Variants in LAMA2 observed in about 807,000 individuals in gnomAD.
LAMA2 encodes the protein laminin subunit alpha-2.
In LAMA2, 269 loss-of-function variants were observed where a neutral mutation model predicts 364.8. The observed-to-expected ratio is 0.74, with a 90% CI of 0.67 to 0.82. The LOEUF (loss-of-function observed/expected upper bound fraction) is 0.82, where lower values mean the gene tolerates loss of function less well. Ranked by LOEUF, LAMA2 falls within the 40% of genes least tolerant of loss-of-function variation. LAMA2 has a pLI of 0.00. For synonymous variants in LAMA2, 1,379 were observed against 1,370.6 expected (o/e 1.01, Z -0.14); for missense variants, 3,807 against 3,873.2 (o/e 0.98, Z 0.45).
intron 28 of LAMA2, among the ~76,000 whole-genome samples, chr6:129,322,172 A>G (rs757108444): frequency 1.5e-4 from 23 of 152,222 alleles, no homozygotes; most frequent in Non-Finnish European, 2.5e-4. Context: ...CTGAAGGGCA[A>G]TATTTATTTA....
chr6:128,912,981 G>T (rs1778083017), intron 1 of LAMA2, among the ~76,000 whole-genome samples: 1 of 152,092 alleles, frequency 6.6e-6, no homozygotes. Context: ...TTAAAACAGG[G>T]TTGACAAATT....
At chr6:129,153,603 C>A (rs574156784) in intron 7 of LAMA2, among the ~76,000 whole-genome samples, 1 of 152,054 alleles carries the variant, frequency 6.6e-6, no homozygotes, top group African/African-American at 2.4e-5. Flanking sequence ...ATCTTTTACA[C>A]GTTATTTCAC....
rs181493185 is a variant in LAMA2 at position 129,507,124 on chromosome 6, A to G, written c.8704-365A>G. 1.6e-3 allele frequency among the ~76,000 whole-genome samples: 249 copies of G among 151,976 alleles called. 2 individuals carry two copies. The highest frequency in any genetic ancestry group is 6.3e-4 in the Non-Finnish European group (43 of 67,938). On this transcript the variant is annotated intron_variant, in intron 61 of 64. Transcript: ENST00000421865. ...GCTATGACAAAATGGGTATATAGTA[A>G]GGTTAATAAACTATTAATAGAAACA...
At chr6:129,473,125 A>T in intron 51 of LAMA2, 89 bp from the exon 52 acceptor site, 1 of 1,045,138 alleles carries the variant, frequency 9.6e-7, no homozygotes, top group Non-Finnish European at 1.4e-6. Flanking sequence ...TTCTCGAATT[A>T]AACCAAATTT....
chr6:129,512,876 G>T (rs1372216951), intron 63 of LAMA2, among the ~76,000 whole-genome samples: 4 of 152,158 alleles, frequency 2.6e-5, no homozygotes, highest in Non-Finnish European at 5.9e-5. Context: ...TCTAAAATTA[G>T]TCTGCCTCTT....
intron 1 of LAMA2, among the ~76,000 whole-genome samples, chr6:128,896,906 T>C (rs1386481475): frequency 6.6e-6 from 1 of 152,212 alleles, no homozygotes; most frequent in African/African-American, 2.4e-5. Context: ...CGGTGAGAAA[T>C]AGTGAAATAA....
At chr6:129,039,481 C>T (rs745981712) in intron 1 of LAMA2, among the ~76,000 whole-genome samples, 193 of 152,080 alleles carry the variant, frequency 1.3e-3, no homozygotes, top group African/African-American at 4.4e-3. Flanking sequence ...AGTTTGTCTA[C>T]GACACTACAG....
intron 8 of LAMA2, chr6:129,158,713 G>A (rs1435673167): frequency 1.2e-6 from 2 of 1,614,166 alleles, no homozygotes; most frequent in Admixed American, 1.7e-5. Flanking sequence ...GGGGGCATGT[G>A]GGTTGCAAAT....
intron 29 of LAMA2, among the ~76,000 whole-genome samples, chr6:129,341,100 GT>G (rs1776245315): frequency 6.6e-6 from 1 of 152,204 alleles, no homozygotes. Context: ...GGCAATATCT[GT>G]GGTGGAAATG....
In LAMA2 at chr6:129,486,605, T is replaced by C. The variant is rs202247792; in HGVS notation, c.7881T>C (p.His2627=). 1.2e-6 allele frequency: 2 copies of C among 1,613,950 alleles called. No individual in the cohort carries two copies. Among genetic ancestry groups the C allele is most frequent in the Admixed American group, 3.3e-5 (2 of 60,022 alleles). The part of the protein sequence containing the change: ...LFHDGREHSV[H]VERTRGIFTV... ...ATGATGGAAGAGAACATTCCGTTCA[T>C]GTAGAGCGAACTAGAGGGTAACAAT... The change falls in exon 56 of 65, where the codon CAT becomes CAC. Residue 2627 remains histidine, a synonymous_variant. Transcript: ENST00000421865.
intron 3 of LAMA2, among the ~76,000 whole-genome samples, chr6:129,064,207 A>G (rs1789131204): frequency 6.6e-6 from 1 of 152,070 alleles, no homozygotes; most frequent in African/African-American, 2.4e-5. Context: ...TTAAAAGAGA[A>G]ATTTAAAAAT....
chr6:129,169,993 G>A, intron 9 of LAMA2, among the ~76,000 whole-genome samples: 1 of 151,196 alleles, frequency 6.6e-6, no homozygotes, highest in East Asian at 1.9e-4. Flanking sequence ...GTATTTCTGT[G>A]GGATCCGTGG....
intron 1 of LAMA2, among the ~76,000 whole-genome samples, chr6:128,899,470 T>A (rs1353047169): frequency 6.6e-6 from 1 of 152,236 alleles, no homozygotes; most frequent in Non-Finnish European, 1.5e-5. Context: ...CTAGGACTTT[T>A]TGTCTTTCAT....
intron 12 of LAMA2, among the ~76,000 whole-genome samples, chr6:129,222,752 T>C (rs1783951872): frequency 6.6e-6 from 1 of 152,144 alleles, no homozygotes; most frequent in Non-Finnish European, 1.5e-5. Flanking sequence ...TTGATGGACA[T>C]TTGGGTTGGT....
At position 129,481,319 on chromosome 6, in the gene LAMA2, A is replaced by G; in HGVS notation, c.7629A>G (p.Pro2543=). Residue 2543 remains proline, a synonymous_variant, in exon 55 of 65, where the codon CCA becomes CCG. Coordinates refer to ENST00000421865, the MANE Select transcript of LAMA2 (RefSeq NM_000426.4). The stretch of plus-strand genomic sequence containing the variant: ...GTTTTGTGGAGCTCTCCCCTGTGCC[A>G]ATTGATGTAGGAACAGAAATCAACC... The part of the protein sequence containing the change: ...KPGFVELSPV[P]IDVGTEINLS... 6.2e-7 allele frequency: 1 copy of G among 1,613,790 alleles called. No homozygotes were observed. The highest frequency in any genetic ancestry group is 8.5e-7 in the Non-Finnish European group (1 of 1,179,768).
In LAMA2 at chr6:129,316,065, C is replaced by A; in HGVS notation, c.3952C>A (p.Pro1318Thr). 6.2e-7 allele frequency: 1 copy of A among 1,613,622 alleles called. No homozygotes were observed. The change falls in exon 27 of 65, where the codon CCT becomes ACT. Residue 1318 changes from proline (P) to threonine (T), a missense_variant. Physicochemically the swap from Pro to Thr is conservative, Grantham distance 38 (BLOSUM62 -1). Around this residue, in one of 3 missense-constraint regions of LAMA2, gnomAD observed 3,333 missense variants for 3,345.7 expected, o/e 1.00. Transcript: ENST00000421865. ...EKEWKYYGDD[P>T]RVHRTVTRED... ...AGAATGGAAATATTATGGGGATGAT[C>A]CTCGAGTCCATAGAACTGTGACCCG...
intron 44 of LAMA2, 70 bp from the exon 45 acceptor site, chr6:129,445,597 C>T (rs1234771305): frequency 6.9e-6 from 9 of 1,309,162 alleles, no homozygotes; most frequent in South Asian, 1.2e-5. Flanking sequence ...GTTAAGCATA[C>T]TGCTATTCTA....
rs1780438844 is a variant in LAMA2 at position 129,174,486 on chromosome 6, T to A, written c.1307-3220T>A. Among the ~76,000 whole-genome samples the A allele has an allele frequency of 5.1e-5, 7 of 137,482 alleles. No homozygotes were observed. The South Asian group carries it at 1.6e-3, about 31-fold the overall frequency. 90.2% of individuals were successfully genotyped at this position (137,482 alleles called of 152,430 possible). A position where few individuals can be genotyped will look rare whatever the true frequency, so the allele number is the denominator to read the frequency against. On this transcript the variant is annotated intron_variant, in intron 9 of 64. Coordinates refer to ENST00000421865, the MANE Select transcript of LAMA2 (RefSeq NM_000426.4). ...ACTTCATTTTCTTATGTTTCGTAAGTGTGTGTGTGTGTGTGTGTGTATGTG... is the reference window on the plus strand; with the variant it reads ...ACTTCATTTTCTTATGTTTCGTAAGAGTGTGTGTGTGTGTGTGTGTATGTG...
At chr6:128,987,728 T>C (rs1001557118) in intron 1 of LAMA2, among the ~76,000 whole-genome samples, 3 of 152,216 alleles carry the variant, frequency 2.0e-5, no homozygotes, top group African/African-American at 7.2e-5. Context: ...GGTTTAATTC[T>C]TGACCATTGC....
Sources: allele counts gnomAD v4.1 joint callset (sites outside exome capture counted in the v4.1 genomes callset), GRCh38; gene constraint gnomAD v4.1.1; regional missense constraint gnomAD v4.1.1; transcripts MANE v1.5; gene names NCBI Gene and HGNC (gene_info 2026-07-23, HGNC 2026-07-21).